Variants in GNAO1 observed in about 807,000 individuals in gnomAD.
GNAO1 encodes the protein G protein subunit alpha o1, also known as guanine nucleotide-binding protein G(o) subunit alpha.
For missense variants in GNAO1, 166 were observed against 478.7 expected, an observed-to-expected ratio of 0.35 and a Z score of 6.10; for synonymous variants, 164 against 180.7, an observed-to-expected ratio of 0.91 and a Z score of 0.74.
intron 6 of GNAO1, chr16:56,344,735 C>T (rs1270604441): frequency 1.0e-6 from 1 of 985,408 alleles, no homozygotes; most frequent in African/African-American, 1.7e-5. Context: ...CCTCGCAGGC[C>T]AAAGGGTGAC....
intron 4 of GNAO1, among the ~76,000 whole-genome samples, chr16:56,332,910 G>A (rs773146619): frequency 6.6e-6 from 1 of 152,254 alleles, no homozygotes; most frequent in Non-Finnish European, 1.5e-5. Flanking sequence ...GGCAGGCACA[G>A]AGGCTTGGGA....
chr16:56,192,578 TG>T lies in GNAO1; in HGVS notation c.125del (p.Gly42GlufsTer9). On this transcript the variant is annotated frameshift_variant, in exon 2 of 9. Coordinates refer to ENST00000262493, the MANE Select transcript of GNAO1 (RefSeq NM_020988.3). LOFTEE classifies it high-confidence loss of function. ...KDVKLLLLGA[G>X]ESGKSTIVKQ... ...CCACTGTCTGTGTCCCAACAGGGGCTGGAGAATCAGGAAAAAGCACCATTGT... is the reference window on the plus strand; with the variant it reads ...CCACTGTCTGTGTCCCAACAGGGGCTGAGAATCAGGAAAAAGCACCATTGT... 1.3e-6 allele frequency: 2 copies of T among 1,595,758 alleles called. No individual in the cohort carries two copies. The highest frequency in any genetic ancestry group is 1.7e-6 in the Non-Finnish European group (2 of 1,166,396).
intron 2 of GNAO1, among the ~76,000 whole-genome samples, chr16:56,246,941 A>G (rs974395170): frequency 6.6e-6 from 1 of 152,246 alleles, no homozygotes; most frequent in African/African-American, 2.4e-5. Context: ...AAAAGATTAT[A>G]TGACATCAAT....
intron 3 of GNAO1, among the ~76,000 whole-genome samples, chr16:56,291,892 C>T (rs1174118295): frequency 2.0e-5 from 3 of 152,120 alleles, no homozygotes; most frequent in Non-Finnish European, 2.9e-5. Flanking sequence ...TGATCTCATT[C>T]GAGATGGCAA....
intron 8 of GNAO1, chr16:56,355,772 A>G (rs1355824498): frequency 1.3e-5 from 2 of 152,256 alleles, no homozygotes; most frequent in Non-Finnish European, 2.9e-5. Context: ...GCTTTCTAAA[A>G]GCAGCTGACA....
chr16:56,201,160 A>G (rs2036278800), intron 2 of GNAO1, among the ~76,000 whole-genome samples: 1 of 152,196 alleles, frequency 6.6e-6, no homozygotes, highest in Admixed American at 6.5e-5. Flanking sequence ...CAATGTCTGT[A>G]TACACAGTGT....
At chr16:56,280,618 G>T (rs931369469) in intron 3 of GNAO1, among the ~76,000 whole-genome samples, 2 of 152,124 alleles carry the variant, frequency 1.3e-5, no homozygotes, top group African/African-American at 4.8e-5. Flanking sequence ...AAAGATGGGA[G>T]GCAGGTGAAG....
chr16:56,277,694 G>C (rs1013624548), intron 3 of GNAO1, among the ~76,000 whole-genome samples: 1 of 151,858 alleles, frequency 6.6e-6, no homozygotes, highest in Non-Finnish European at 1.5e-5. Context: ...CCTCTGGTCT[G>C]TCTGTCTCCC....
At chr16:56,328,347 C>T (rs2037656024) in intron 3 of GNAO1, among the ~76,000 whole-genome samples, 1 of 152,152 alleles carries the variant, frequency 6.6e-6, no homozygotes, top group Non-Finnish European at 1.5e-5. Context: ...CAGAGCCGGG[C>T]CCACTCTCCC....
chr16:56,323,563 C>G (rs1375427315), intron 3 of GNAO1, among the ~76,000 whole-genome samples: 2 of 151,996 alleles, frequency 1.3e-5, no homozygotes, highest in Non-Finnish European at 2.9e-5. Context: ...AAAGGGTGCC[C>G]CTTACCTTTA....
At chr16:56,236,066 G>T (rs2036634688) in intron 2 of GNAO1, among the ~76,000 whole-genome samples, 1 of 152,220 alleles carries the variant, frequency 6.6e-6, no homozygotes, top group Non-Finnish European at 1.5e-5. Context: ...AGTTCAGGCA[G>T]TCATTCTTGG....
intron 3 of GNAO1, 85 bp downstream of exon 3, chr16:56,276,157 T>C: frequency 8.2e-7 from 1 of 1,212,804 alleles, no homozygotes; most frequent in Non-Finnish European, 1.2e-6. Flanking sequence ...CTGGGCTGCC[T>C]TAAATGAACG....
At chr16:56,300,036 TGCGC>T (rs1555505525) in intron 3 of GNAO1, among the ~76,000 whole-genome samples, 38 of 95,164 alleles carry the variant, frequency 4.0e-4, no homozygotes, top group African/African-American at 1.3e-3. Flanking sequence ...TGTGTGTGTG[TGCGC>T]GCGCGCGCGC....
At chr16:56,247,711 G>A (rs969229250) in intron 2 of GNAO1, among the ~76,000 whole-genome samples, 1 of 152,130 alleles carries the variant, frequency 6.6e-6, no homozygotes, top group African/African-American at 2.4e-5. Context: ...TCTCCCGAGG[G>A]AGAAGGGCTT....
At chr16:56,207,660 T>A (rs1284389885) in intron 2 of GNAO1, among the ~76,000 whole-genome samples, 1 of 152,196 alleles carries the variant, frequency 6.6e-6, no homozygotes, top group Non-Finnish European at 1.5e-5. Flanking sequence ...ACACTGTTGT[T>A]GACACAGGAT....
chr16:56,213,143 G>A, intron 2 of GNAO1: 1 of 393,442 alleles, frequency 2.5e-6, no homozygotes. Flanking sequence ...TTCCAGGGAA[G>A]AGGGAATGTG....
At chr16:56,285,232 T>C (rs1469932445) in intron 3 of GNAO1, among the ~76,000 whole-genome samples, 1 of 152,148 alleles carries the variant, frequency 6.6e-6, no homozygotes, top group Admixed American at 6.5e-5. Context: ...TCTCTTTCTG[T>C]CTTTCACACT....
chr16:56,257,452 C>T (rs558603174), intron 2 of GNAO1, among the ~76,000 whole-genome samples: 17 of 152,156 alleles, frequency 1.1e-4, no homozygotes, highest in Non-Finnish European at 2.4e-4. Context: ...ATTAGTGTTC[C>T]GTGTGTCTGA....
At chr16:56,299,586 T>G (rs1173526903) in intron 3 of GNAO1, among the ~76,000 whole-genome samples, 1 of 152,250 alleles carries the variant, frequency 6.6e-6, no homozygotes, top group Non-Finnish European at 1.5e-5. Context: ...CTGAATCATT[T>G]TTTCCAATAA....
Sources: allele counts gnomAD v4.1 joint callset (sites outside exome capture counted in the v4.1 genomes callset), GRCh38; gene constraint gnomAD v4.1.1; transcripts MANE v1.5; gene names NCBI Gene and HGNC (gene_info 2026-07-23, HGNC 2026-07-21).